The following HOOK1 variants were observed in gnomAD, a reference collection of about 807,000 sequenced individuals.
HOOK1 encodes protein Hook homolog 1.
Under a neutral mutation model 112.8 loss-of-function variants are expected in HOOK1, and 60 were observed. The ratio of observed to expected loss-of-function variants is 0.53; its 90% CI spans 0.43 to 0.66. The LOEUF (loss-of-function observed/expected upper bound fraction) is 0.66, where lower values mean the gene tolerates loss of function less well. Among genes scored for constraint, HOOK1 ranks in the 30% least tolerant of loss-of-function variants. The pLI, the probability that HOOK1 is intolerant of heterozygous loss-of-function variation, is 0.00. For synonymous variants in HOOK1, 294 were observed against 283.8 expected (o/e 1.04, Z -0.36); for missense variants, 770 against 856.0 (o/e 0.90, Z 1.25).
chr1:59,826,197 T>A (rs1421401827), intron 2 of HOOK1, among the ~76,000 whole-genome samples: 1 of 152,174 alleles, frequency 6.6e-6, no homozygotes, highest in Non-Finnish European at 1.5e-5. Flanking sequence ...TTGGACCATA[T>A]TTTGGTTCAT....
At chr1:59,840,083 C>T (rs567873013) in intron 7 of HOOK1, among the ~76,000 whole-genome samples, 5 of 152,188 alleles carry the variant, frequency 3.3e-5, no homozygotes, top group African/African-American at 9.6e-5. Flanking sequence ...CTGCTGGATT[C>T]GGTTTGCCAG....
chr1:59,839,838 G>A (rs1390094820), intron 7 of HOOK1, among the ~76,000 whole-genome samples: 1 of 152,226 alleles, frequency 6.6e-6, no homozygotes, highest in East Asian at 1.9e-4. Context: ...GTCATAAATA[G>A]CTCTTATTAT....
intron 1 of HOOK1, chr1:59,815,480 G>T: frequency 2.3e-6 from 1 of 433,272 alleles, no homozygotes. Flanking sequence ...TATGAACCAA[G>T]CACCCATCCT....
intron 1 of HOOK1, among the ~76,000 whole-genome samples, chr1:59,818,099 A>T (rs1414820700): frequency 6.6e-6 from 1 of 152,226 alleles, no homozygotes; most frequent in Non-Finnish European, 1.5e-5. Flanking sequence ...TTCAGCAAGT[A>T]GAAATCAGTG....
intron 1 of HOOK1, 88 bp from the exon 2 acceptor site, chr1:59,821,770 T>TA (rs2098385851): frequency 1.0e-6 from 1 of 963,256 alleles, no homozygotes; most frequent in Admixed American, 2.8e-5. Flanking sequence ...TTGTTTTTTT[T>TA]AGCTGTTTTC....
chr1:59,828,982 T>C (rs2098391940), intron 3 of HOOK1, 130 bp downstream of exon 3: 2 of 663,676 alleles, frequency 3.0e-6, no homozygotes, highest in Admixed American at 3.2e-5. Context: ...TTTTAACACA[T>C]GTATTCTCTC....
intron 1 of HOOK1, among the ~76,000 whole-genome samples, chr1:59,820,795 C>A (rs1001331249): frequency 2.6e-5 from 4 of 152,134 alleles, no homozygotes; most frequent in Admixed American, 6.5e-5. Context: ...AGGGTAGAAA[C>A]CTGGTGGTTT....
In HOOK1 at chr1:59,872,977, AAC is replaced by A; in HGVS notation, c.*14_*15del. 7.0e-7 allele frequency: 1 copy of A among 1,437,352 alleles called. No homozygotes were observed. The highest frequency in any genetic ancestry group is 1.4e-5 in the African/African-American group (1 of 69,122). The allele number at this position is 1,437,352 out of a possible 1,614,324, so 89.0% of individuals were successfully genotyped here. A position where few individuals can be genotyped will look rare whatever the true frequency, so the allele number is the denominator to read the frequency against. On this transcript the variant is annotated 3_prime_UTR_variant, in exon 22 of 22. Transcript: ENST00000371208. Reference sequence around the variant, plus strand: ...CAACATCTGATTAAACTGCAAAAAAAACAAAACAAAACAAAAAAACCACATAA... The same window carrying A: ...CAACATCTGATTAAACTGCAAAAAAAAAAACAAAACAAAAAAACCACATAA...
Position 59,875,118 on chromosome 1 carries a change from G to A in HOOK1, c.*2153G>A, listed in dbSNP as rs1285530854. 6.6e-6 allele frequency: 1 copy of A among 152,478 alleles called. No individual in the cohort carries two copies. The highest frequency in any genetic ancestry group is 6.5e-5 in the Admixed American group (1 of 15,272). The allele number at this position is 152,478 out of a possible 1,614,324, so 9.4% of individuals were successfully genotyped here. On this transcript the variant is annotated 3_prime_UTR_variant, in exon 22 of 22. Coordinates refer to ENST00000371208, the MANE Select transcript of HOOK1 (RefSeq NM_015888.6). ...GTCAGCGAAGACATCTGCCCCTTTG[G>A]TGTTTCTACTTGCTTATGATTGAGA...
intron 7 of HOOK1, among the ~76,000 whole-genome samples, chr1:59,837,908 T>C: frequency 6.6e-6 from 1 of 152,120 alleles, no homozygotes. Flanking sequence ...TGTATTCTTA[T>C]TGTTCAACTC....
intron 7 of HOOK1, 49 bp from the exon 8 acceptor site, chr1:59,840,259 T>C: frequency 2.3e-6 from 3 of 1,289,126 alleles, no homozygotes; most frequent in Non-Finnish European, 3.2e-6. Flanking sequence ...TTTTTCTATA[T>C]TTGTGTCAAA....
At chr1:59,858,733 A>G (rs111630006) in intron 13 of HOOK1, among the ~76,000 whole-genome samples, 3 of 149,614 alleles carry the variant, frequency 2.0e-5, no homozygotes, top group African/African-American at 7.4e-5. Context: ...AGAAAAAGAG[A>G]GAAAGAGAGA....
chr1:59,830,395 C>T (rs1478116976), intron 3 of HOOK1, among the ~76,000 whole-genome samples: 1 of 152,048 alleles, frequency 6.6e-6, no homozygotes, highest in African/African-American at 2.4e-5. Flanking sequence ...TTATTACACA[C>T]TATATTTCTT....
intron 7 of HOOK1, among the ~76,000 whole-genome samples, chr1:59,837,829 A>C (rs541763538): frequency 6.6e-6 from 1 of 152,138 alleles, no homozygotes; most frequent in African/African-American, 2.4e-5. Flanking sequence ...ATTTCTCCTA[A>C]TGTTATCCCT....
At chr1:59,817,935 C>G (rs1429809173) in intron 1 of HOOK1, among the ~76,000 whole-genome samples, 1 of 152,194 alleles carries the variant, frequency 6.6e-6, no homozygotes, top group Admixed American at 6.5e-5. Context: ...ACAACTATTG[C>G]CAATAAGACA....
chr1:59,846,592 T>TTCCTTCCTTCCTC (rs1553462818), intron 9 of HOOK1, among the ~76,000 whole-genome samples: 1 of 43,348 alleles, frequency 2.3e-5, no homozygotes, highest in African/African-American at 1.2e-4. Context: ...CCTTCCTCCC[T>TTCCTTCCTTCCTC]CCTCCCTCCC....
rs1644107887 is a variant in HOOK1, at chr1:59,874,765, G to A, written c.*1800G>A. On this transcript the variant is annotated 3_prime_UTR_variant, in exon 22 of 22. Coordinates refer to ENST00000371208, the MANE Select transcript of HOOK1 (RefSeq NM_015888.6). ...GACTTTCTTTGCAAATACAGTGTGA[G>A]TATTGTTCCATTTACAGTATTATTA... The A allele has an allele frequency of 6.6e-6, 1 of 152,502 alleles. No individual in the cohort carries two copies. The highest frequency in any genetic ancestry group is 1.5e-5 in the Non-Finnish European group (1 of 68,006). 9.4% of individuals were successfully genotyped at this position (152,502 alleles called of 1,614,324 possible).
intron 3 of HOOK1, among the ~76,000 whole-genome samples, chr1:59,830,162 A>G (rs530504494): frequency 1.3e-5 from 2 of 152,180 alleles, no homozygotes; most frequent in African/African-American, 4.8e-5. Context: ...TGAAAACAGC[A>G]TGCATTCTAC....
intron 1 of HOOK1, among the ~76,000 whole-genome samples, chr1:59,815,744 T>C (rs1039352203): frequency 2.0e-5 from 3 of 152,022 alleles, no homozygotes; most frequent in African/African-American, 4.8e-5. Flanking sequence ...AAAGAGATGT[T>C]TGTATTTCCC....
Sources: allele counts gnomAD v4.1 joint callset (sites outside exome capture counted in the v4.1 genomes callset), GRCh38; gene constraint gnomAD v4.1.1; transcripts MANE v1.5; gene names NCBI Gene and HGNC (gene_info 2026-07-23, HGNC 2026-07-21).